SCP2: variants seen among roughly 807,000 people sequenced by gnomAD.
SCP2 encodes the protein SCP-2/3-oxoacyl-CoA thiolase.
SCP2 carries 48 observed loss-of-function variants against 71.4 expected under a neutral mutation model. That is an observed-to-expected ratio of 0.67 (90% CI 0.53 to 0.86). The LOEUF is 0.86. Ranked by LOEUF, SCP2 falls within the 40% of genes least tolerant of loss-of-function variation. The pLI is 0.00. For synonymous variants in SCP2, 220 were observed against 218.1 expected (o/e 1.01, Z -0.08); for missense variants, 560 against 655.6 (o/e 0.85, Z 1.59).
At position 52,955,676 on chromosome 1, in the gene SCP2, G is replaced by T. The variant is rs561771918; in HGVS notation, c.396+872G>T. On this transcript the variant is annotated intron_variant, in intron 5 of 15. Transcript: ENST00000371514. ...ATTGAATCTAAATTAGTTCCAGAAT[G>T]GTAGTAACCTAGACAAATTTTCTTC... 2.0e-5 allele frequency among the ~76,000 whole-genome samples: 3 copies of T among 152,216 alleles called. No homozygotes were observed. In the East Asian group the frequency reaches 5.8e-4, roughly 29 times the overall value.
At chr1:53,008,851 C>A (rs1322894735) in intron 11 of SCP2, among the ~76,000 whole-genome samples, 1 of 152,194 alleles carries the variant, frequency 6.6e-6, no homozygotes, top group East Asian at 1.9e-4. Context: ...TCTCTGTTTG[C>A]AGATGACATG....
Position 53,042,989 on chromosome 1 carries a change from CTAACA to C in SCP2, c.1468+3951_1468+3955del, listed in dbSNP as rs1429722548. 3.3e-5 allele frequency among the ~76,000 whole-genome samples: 5 copies of C among 152,262 alleles called. No homozygotes were observed. In the East Asian group the frequency reaches 9.7e-4, roughly 29 times the overall value. On this transcript the variant is annotated intron_variant, in intron 14 of 15. Coordinates refer to ENST00000371514, the MANE Select transcript of SCP2 (RefSeq NM_002979.5). ...CTCCAGGAGGCCATCTTTGATTAAT[CTAACA>C]TAACATATTATTCCTTCATTCCTTT...
chr1:53,011,553 C>A (rs1370120349), intron 11 of SCP2, among the ~76,000 whole-genome samples: 1 of 152,126 alleles, frequency 6.6e-6, no homozygotes, highest in Non-Finnish European at 1.5e-5. Flanking sequence ...AAAAGGTTGA[C>A]CAACATCTTG....
At chr1:52,954,643 T>C (rs1655630756) in intron 4 of SCP2, 97 bp from the exon 5 acceptor site, 1 of 996,762 alleles carries the variant, frequency 1.0e-6, no homozygotes, top group Admixed American at 1.7e-5. Flanking sequence ...AGCCATTGTG[T>C]GCTCACTTGA....
chr1:53,020,300 T>C (rs941939561), intron 12 of SCP2, among the ~76,000 whole-genome samples: 4 of 152,200 alleles, frequency 2.6e-5, no homozygotes, highest in East Asian at 1.9e-4. Context: ...ACTGAAAATA[T>C]GTACTTTAGG....
intron 11 of SCP2, among the ~76,000 whole-genome samples, chr1:53,002,893 G>A (rs1660404936): frequency 1.3e-5 from 2 of 152,134 alleles, no homozygotes; most frequent in South Asian, 2.1e-4. Flanking sequence ...CTCTGTAAGA[G>A]GTTGCCAAAA....
At chr1:52,971,638 T>C (rs2150158348) in intron 6 of SCP2, among the ~76,000 whole-genome samples, 1 of 152,364 alleles carries the variant, frequency 6.6e-6, no homozygotes, top group Non-Finnish European at 1.5e-5. Context: ...AACAGCCCTA[T>C]AGAAATATGA....
At chr1:52,960,562 G>GTATATA (rs771645105) in intron 5 of SCP2, among the ~76,000 whole-genome samples, 5 of 143,058 alleles carry the variant, frequency 3.5e-5, no homozygotes, top group African/African-American at 1.4e-4. Flanking sequence ...GTGTATATAT[G>GTATATA]TATGTATATA....
chr1:53,034,577 A>G (rs1312923303), intron 13 of SCP2, among the ~76,000 whole-genome samples: 2 of 152,166 alleles, frequency 1.3e-5, no homozygotes, highest in African/African-American at 4.8e-5. Flanking sequence ...ACTGAATTGA[A>G]TATTTTAAAA....
chr1:53,040,960 A>G (rs1663379991), intron 14 of SCP2, among the ~76,000 whole-genome samples: 1 of 152,326 alleles, frequency 6.6e-6, no homozygotes. Context: ...AAAAATGAAT[A>G]ATTTAAAAAT....
chr1:52,990,549 G>A (rs575545483), intron 11 of SCP2, among the ~76,000 whole-genome samples: 2 of 151,798 alleles, frequency 1.3e-5, no homozygotes, highest in South Asian at 4.2e-4. Flanking sequence ...CCTGGCTAAC[G>A]CAGTGAAACA....
chr1:53,041,169 C>T (rs1342356373), intron 14 of SCP2, among the ~76,000 whole-genome samples: 2 of 151,906 alleles, frequency 1.3e-5, no homozygotes, highest in East Asian at 1.9e-4. Context: ...TTTGGGAGGC[C>T]GAGGCGGGCG....
intron 6 of SCP2, among the ~76,000 whole-genome samples, chr1:52,967,932 C>A (rs953469026): frequency 3.9e-5 from 6 of 152,190 alleles, no homozygotes; most frequent in Non-Finnish European, 8.8e-5. Context: ...AGTTTTCCAA[C>A]ATCCTGCTTT....
Position 52,927,647 on chromosome 1 carries a change from C to T in SCP2, c.69+182C>T, listed in dbSNP as rs540882901. On this transcript the variant is annotated intron_variant, in intron 1 of 15. Coordinates refer to ENST00000371514, the MANE Select transcript of SCP2 (RefSeq NM_002979.5). The stretch of plus-strand genomic sequence containing the variant: ...TAGCGTCTCGGGCTGGTTCCTGCGG[C>T]CTTCTGCTTCCTCCTTCCCTTTTCT... 1.4e-3 allele frequency among the ~76,000 whole-genome samples: 218 copies of T among 152,212 alleles called. 2 individuals are homozygous for T. The highest frequency in any genetic ancestry group is 6.3e-3 in the Admixed American group (96 of 15,286).
chr1:52,970,092 C>T (rs1657328109), intron 6 of SCP2, among the ~76,000 whole-genome samples: 2 of 151,868 alleles, frequency 1.3e-5, no homozygotes, highest in South Asian at 4.2e-4. Context: ...CTATAATTTC[C>T]ATTTCTATTT....
intron 6 of SCP2, among the ~76,000 whole-genome samples, chr1:52,973,215 T>G (rs1657647060): frequency 1.3e-5 from 2 of 152,250 alleles, no homozygotes; most frequent in African/African-American, 4.8e-5. Context: ...GGGAAATGCT[T>G]CATACTTTAA....
chr1:52,929,197 CTTTT>C (rs11438037), intron 1 of SCP2, among the ~76,000 whole-genome samples: 1 of 135,910 alleles, frequency 7.4e-6, no homozygotes, highest in Non-Finnish European at 1.6e-5. Flanking sequence ...CACTGTAACA[CTTTT>C]TTTTTTTTTT....
At position 53,050,644 on chromosome 1, in the gene SCP2, C is replaced by T; in HGVS notation, c.1584C>T (p.Asn528=). The T allele has an allele frequency of 6.2e-7, 1 of 1,613,640 alleles. No individual in the cohort carries two copies. Among genetic ancestry groups the T allele is most frequent in the Non-Finnish European group, 8.5e-7 (1 of 1,179,624 alleles). ...AAGGCAAATTGAAAATCACTGGCAA[C>T]ATGGGTCTCGCTATGAAGTTACAAA... ...FFQGKLKITG[N]MGLAMKLQNL... The change falls in exon 16 of 16, where the codon AAC becomes AAT. Residue 528 remains asparagine, a synonymous_variant. Coordinates refer to ENST00000371514, the MANE Select transcript of SCP2 (RefSeq NM_002979.5).
chr1:52,976,827 C>G, intron 8 of SCP2, 58 bp downstream of exon 8: 1 of 888,046 alleles, frequency 1.1e-6, no homozygotes, highest in Non-Finnish European at 1.9e-6. Context: ...CTTCCTGCCA[C>G]CCCCCTGTGG....
Sources: gnomAD v4.1 joint callset for allele counts (sites outside exome capture counted in the v4.1 genomes callset) on GRCh38, gnomAD v4.1.1 for gene constraint, MANE v1.5 for transcripts, NCBI Gene and HGNC (gene_info 2026-07-23, HGNC 2026-07-21) for gene names.